Variants in BRAF observed in about 807,000 individuals in gnomAD.
BRAF encodes serine/threonine-protein kinase B-raf.
BRAF carries 16 observed loss-of-function variants against 104.6 expected under a neutral mutation model. That is an observed-to-expected ratio of 0.15 (90% CI 0.10 to 0.23). BRAF has a LOEUF of 0.23. Among genes scored for constraint, BRAF ranks in the 10% least tolerant of loss-of-function variants. BRAF has a pLI of 1.00. For synonymous variants in BRAF, 310 were observed against 341.6 expected, an observed-to-expected ratio of 0.91 and a Z score of 1.02; for missense variants, 541 against 937.3, an observed-to-expected ratio of 0.58 and a Z score of 5.52.
intron 17 of BRAF, among the ~76,000 whole-genome samples, chr7:140,741,893 G>T (rs987050771): frequency 6.6e-6 from 1 of 151,782 alleles, no homozygotes; most frequent in Non-Finnish European, 1.5e-5. Context: ...GGAGGCAGAG[G>T]TTGCAGTGAG....
chr7:140,894,296 T>G (rs1814621654), intron 1 of BRAF, among the ~76,000 whole-genome samples: 1 of 152,084 alleles, frequency 6.6e-6, no homozygotes, highest in Admixed American at 6.5e-5. Flanking sequence ...CAGAACTACT[T>G]GATAGGAAAA....
intron 11 of BRAF, among the ~76,000 whole-genome samples, chr7:140,782,341 G>A (rs1800960596): frequency 6.6e-6 from 1 of 151,898 alleles, no homozygotes; most frequent in South Asian, 2.1e-4. Context: ...TTTGTGAATA[G>A]TTTTGGCTCT....
At chr7:140,795,096 C>T (rs1481834121) in intron 7 of BRAF, among the ~76,000 whole-genome samples, 1 of 152,108 alleles carries the variant, frequency 6.6e-6, no homozygotes, top group African/African-American at 2.4e-5. Flanking sequence ...ATATATTAAC[C>T]ACTAAAGCAA....
intron 1 of BRAF, among the ~76,000 whole-genome samples, chr7:140,854,005 C>A (rs1161977315): frequency 6.6e-6 from 1 of 152,090 alleles, no homozygotes; most frequent in African/African-American, 2.4e-5. Flanking sequence ...AAAACAGGGT[C>A]TCCGTCTCCC....
intron 1 of BRAF, among the ~76,000 whole-genome samples, chr7:140,872,590 T>C (rs1811738709): frequency 1.3e-5 from 2 of 152,062 alleles, no homozygotes; most frequent in Admixed American, 6.5e-5. Flanking sequence ...CATGGTGGCT[T>C]ATGCCTGTAA....
At chr7:140,740,051 A>C in intron 17 of BRAF, 105 bp from the exon 17 acceptor site, 1 of 1,234,364 alleles carries the variant, frequency 8.1e-7, no homozygotes. Context: ...ACAGCTTACG[A>C]TGTATGTATT....
intron 8 of BRAF, among the ~76,000 whole-genome samples, chr7:140,791,738 T>C (rs1801990273): frequency 6.6e-6 from 1 of 152,220 alleles, no homozygotes. Flanking sequence ...TTGTTTTCCT[T>C]TGGTATTTAA....
intron 17 of BRAF, chr7:140,741,013 T>C (rs770523623): frequency 5.3e-5 from 8 of 152,218 alleles, no homozygotes; most frequent in African/African-American, 9.7e-5. Flanking sequence ...TGGAATAATA[T>C]GTTGGAGCAA....
chr7:140,715,257 C>T (rs367677121), downstream of BRAF, among the ~76,000 whole-genome samples: 9 of 152,304 alleles, frequency 5.9e-5, no homozygotes, highest in African/African-American at 1.9e-4. Flanking sequence ...CTGCTGACAG[C>T]TTCAGCAGTC....
At chr7:140,748,233 A>C (rs1797510258) in intron 17 of BRAF, among the ~76,000 whole-genome samples, 1 of 152,216 alleles carries the variant, frequency 6.6e-6, no homozygotes, top group African/African-American at 2.4e-5. Flanking sequence ...TCTTGACAAA[A>C]CAGACAAATC....
At chr7:140,762,612 T>G (rs1185687719) in intron 14 of BRAF, among the ~76,000 whole-genome samples, 1 of 129,792 alleles carries the variant, frequency 7.7e-6, no homozygotes, top group Non-Finnish European at 1.7e-5. Flanking sequence ...TGTTTTTTTT[T>G]TTTTTTTTTT....
At chr7:140,845,068 CAT>C (rs150564587) in intron 2 of BRAF, among the ~76,000 whole-genome samples, 9,579 of 152,214 alleles carry the variant, frequency 0.063, 359 homozygotes, top group South Asian at 0.19. Flanking sequence ...TAAAGACAGA[CAT>C]ATAGACCAAT....
intron 17 of BRAF, among the ~76,000 whole-genome samples, chr7:140,743,243 A>AG (rs1797076636): frequency 6.6e-6 from 1 of 151,478 alleles, no homozygotes; most frequent in African/African-American, 2.4e-5. Flanking sequence ...AAAGGACTAT[A>AG]AATCATGCTG....
chr7:140,735,707 C>T (rs1201605996), intron 18 of BRAF, among the ~76,000 whole-genome samples: 1 of 151,842 alleles, frequency 6.6e-6, no homozygotes, highest in Admixed American at 6.6e-5. Flanking sequence ...CAGGAGCGCA[C>T]CACCATGCCC....
At chr7:140,889,464 C>G (rs921623708) in intron 1 of BRAF, among the ~76,000 whole-genome samples, 10 of 152,058 alleles carry the variant, frequency 6.6e-5, no homozygotes, top group Admixed American at 5.9e-4. Context: ...ACACATATAG[C>G]ATAAATAAAA....
At chr7:140,779,544 T>C (rs1302002497) in intron 12 of BRAF, among the ~76,000 whole-genome samples, 1 of 152,248 alleles carries the variant, frequency 6.6e-6, no homozygotes, top group Non-Finnish European at 1.5e-5. Context: ...TCCAAACATA[T>C]GAAATCCTCC....
At chr7:140,861,486 G>T (rs1267619) in intron 1 of BRAF, among the ~76,000 whole-genome samples, 1 of 152,028 alleles carries the variant, frequency 6.6e-6, no homozygotes, top group African/African-American at 2.4e-5. Flanking sequence ...GCAAAGGATC[G>T]CGTGGGTCTA....
intron 1 of BRAF, among the ~76,000 whole-genome samples, chr7:140,850,680 A>C (rs1203027097): frequency 1.3e-5 from 2 of 152,180 alleles, no homozygotes; most frequent in African/African-American, 4.8e-5. Context: ...TCTCCACGTC[A>C]ATATGCATAT....
At chr7:140,745,270 T>C (rs983708469) in intron 17 of BRAF, among the ~76,000 whole-genome samples, 4 of 152,146 alleles carry the variant, frequency 2.6e-5, no homozygotes, top group Non-Finnish European at 4.4e-5. Flanking sequence ...ATAAAAACTT[T>C]TAGATGCCAA....
Sources: gnomAD v4.1 joint callset for allele counts (sites outside exome capture counted in the v4.1 genomes callset) on GRCh38, gnomAD v4.1.1 for gene constraint, MANE v1.5 for transcripts, NCBI Gene and HGNC (gene_info 2026-07-23, HGNC 2026-07-21) for gene names.